ADORA2B: variants seen among roughly 807,000 people sequenced by gnomAD.
ADORA2B encodes the protein adenosine A2b receptor.
ADORA2B carries 18 observed loss-of-function variants against 20.8 expected under a neutral mutation model. That is an observed-to-expected ratio of 0.87 (90% confidence interval 0.60 to 1.29). ADORA2B has a LOEUF of 1.29. Among genes scored for constraint, ADORA2B ranks in the 50% most tolerant of loss-of-function variants. The probability of loss-of-function intolerance (pLI) is 0.00; values close to 1 mark genes in which losing one functional copy is unlikely to be tolerated. For missense variants in ADORA2B, 441 were observed against 422.7 expected (o/e 1.04, Z -0.38); for synonymous variants, 179 against 178.3 (o/e 1.00, Z -0.03).
chr17:15,944,801 C>T (rs1300373703), upstream of ADORA2B: 2 of 153,170 alleles, frequency 1.3e-5, no homozygotes, highest in Admixed American at 1.3e-4. The surrounding 1 kb of genome is among the most constrained non-coding windows in gnomAD (Gnocchi z 4.8). Context: ...CGCGGCGGCT[C>T]CTGGGACCTG....
At chr17:15,969,543 A>T (rs1236713844) in intron 1 of ADORA2B, among the ~76,000 whole-genome samples, 1 of 152,174 alleles carries the variant, frequency 6.6e-6, no homozygotes, top group Non-Finnish European at 1.5e-5. Context: ...CGCATCCACC[A>T]TTCTCTTGAT....
At chr17:15,886,317 C>T in the ADORA2B span, among the ~76,000 whole-genome samples, 1 of 74,194 alleles carries the variant, frequency 1.3e-5, no homozygotes, top group Admixed American at 1.2e-4. Flanking sequence ...GTCCTGCCTG[C>T]CTGTGCCACA....
Position 15,975,415 on chromosome 17 carries a change from G to T in ADORA2B, c.*73G>T, listed in dbSNP as rs905599078. The T allele has an allele frequency of 6.0e-5, 89 of 1,477,226 alleles. No homozygotes were observed. In the African/African-American group the frequency reaches 1.0e-3, roughly 17 times the overall value. 91.5% of individuals were successfully genotyped at this position (1,477,226 alleles called of 1,614,324 possible). ...AAAGAGGACACGGCTGGTTTTCATT[G>T]TGAAAGATAGCTACACCTCACAAGG... On this transcript the variant is annotated 3_prime_UTR_variant, in exon 2 of 2. Transcript: ENST00000304222.
At chr17:15,908,241 C>T in the ADORA2B span, among the ~76,000 whole-genome samples, 950 of 152,196 alleles carry the variant, frequency 6.2e-3, 6 homozygotes, top group Middle Eastern at 0.027. Context: ...GTGTGTGCCA[C>T]CATGCCTGAG....
At chr17:15,921,226 T>C in the ADORA2B span, among the ~76,000 whole-genome samples, 1,490 of 152,352 alleles carry the variant, frequency 9.8e-3, 32 homozygotes, top group African/African-American at 0.034. Context: ...CAATCAGAAC[T>C]GGCTCCAAGC....
the ADORA2B span, among the ~76,000 whole-genome samples, chr17:15,885,765 A>T: frequency 1.3e-5 from 2 of 152,170 alleles, no homozygotes; most frequent in Non-Finnish European, 2.9e-5. Flanking sequence ...TTGGAAGAAC[A>T]GTTTTCATAA....
chr17:15,878,215 A>ACACC, the ADORA2B span, among the ~76,000 whole-genome samples: 2 of 145,550 alleles, frequency 1.4e-5, no homozygotes, highest in Non-Finnish European at 3.0e-5. Context: ...ACACACACAC[A>ACACC]TTATATAAAT....
At chr17:15,945,670 G>C in intron 1 of ADORA2B, 87 bp downstream of exon 1, 2 of 1,331,664 alleles carry the variant, frequency 1.5e-6, no homozygotes, top group Non-Finnish European at 9.9e-7. Flanking sequence ...CCTCCCTCGG[G>C]GGCCCCAGAC....
At chr17:15,960,742 G>A (rs536457911) in intron 1 of ADORA2B, among the ~76,000 whole-genome samples, 61 of 150,810 alleles carry the variant, frequency 4.0e-4, no homozygotes, top group Non-Finnish European at 3.2e-4. Flanking sequence ...CGGGCATGGT[G>A]GTGGGTGCCT....
At position 15,945,704 on chromosome 17, in the gene ADORA2B, G is replaced by T. The variant is rs570294747; in HGVS notation, c.335+121G>T. 14 of 954,836 alleles carry T rather than the reference G, an allele frequency of 1.5e-5. No homozygotes were observed. The African/African-American group carries it at 2.2e-4, about 15-fold the overall frequency. The allele number at this position is 954,836 out of a possible 1,614,324, so 59.1% of individuals were successfully genotyped here. A position where few individuals can be genotyped will look rare whatever the true frequency, so the allele number is the denominator to read the frequency against. ...ACGGGCCAGGCTGGGGGCGCGCGGG[G>T]CGCTTGGAGGGCTGGTTCCCAGCCT... On this transcript the variant is annotated intron_variant, in intron 1 of 1. Transcript: ENST00000304222.
At chr17:15,866,936 C>T in the ADORA2B span, among the ~76,000 whole-genome samples, 8 of 152,384 alleles carry the variant, frequency 5.2e-5, no homozygotes, top group East Asian at 1.9e-4. Flanking sequence ...AGGCGCGCGC[C>T]GCCACGCCTG....
intron 1 of ADORA2B, among the ~76,000 whole-genome samples, chr17:15,963,174 A>T (rs547364119): frequency 6.6e-6 from 1 of 152,314 alleles, no homozygotes; most frequent in East Asian, 1.9e-4. Flanking sequence ...ATTAATGAAA[A>T]GGAATGATTG....
At chr17:15,912,876 C>T in the ADORA2B span, among the ~76,000 whole-genome samples, 1 of 152,344 alleles carries the variant, frequency 6.6e-6, no homozygotes, top group South Asian at 2.1e-4. Flanking sequence ...GTGGACATTT[C>T]GAGCCTGGGC....
chr17:15,945,678 G>C (rs1264981860), intron 1 of ADORA2B, 95 bp downstream of exon 1: 1 of 1,248,890 alleles, frequency 8.0e-7, no homozygotes, highest in East Asian at 2.6e-5. Context: ...GGGGGCCCCA[G>C]ACGGGCCAGG....
At chr17:15,930,168 CAGTG>C in the ADORA2B span, among the ~76,000 whole-genome samples, 1 of 152,060 alleles carries the variant, frequency 6.6e-6, no homozygotes, top group Non-Finnish European at 1.5e-5. Flanking sequence ...TGATTAGAAA[CAGTG>C]AGCATCCTGG....
At chr17:15,868,176 T>C in the ADORA2B span, among the ~76,000 whole-genome samples, 13 of 140,184 alleles carry the variant, frequency 9.3e-5, 1 homozygote, top group East Asian at 1.4e-3. Context: ...GAAGGCAGCA[T>C]GCTCGTTAAG....
chr17:15,911,364 A>G, the ADORA2B span, among the ~76,000 whole-genome samples: 1 of 152,206 alleles, frequency 6.6e-6, no homozygotes, highest in Non-Finnish European at 1.5e-5. Flanking sequence ...GTTGGGTTTA[A>G]GCTGAAATTA....
At chr17:15,940,256 C>G (rs917484117), upstream of ADORA2B, among the ~76,000 whole-genome samples, 1 of 152,196 alleles carries the variant, frequency 6.6e-6, no homozygotes, top group African/African-American at 2.4e-5. Context: ...GTGTCCATCT[C>G]TGGGGTGCAG....
At chr17:15,909,594 A>G in the ADORA2B span, among the ~76,000 whole-genome samples, 1,238 of 152,108 alleles carry the variant, frequency 8.1e-3, 14 homozygotes, top group African/African-American at 0.029. Flanking sequence ...CCGGTTCTTT[A>G]ACACTCCCAT....
Sources: allele counts gnomAD v4.1 joint callset (sites outside exome capture counted in the v4.1 genomes callset), GRCh38; gene constraint gnomAD v4.1.1; non-coding constraint Gnocchi (gnomAD v3.1); transcripts MANE v1.5; gene names NCBI Gene and HGNC (gene_info 2026-07-23, HGNC 2026-07-21).